The following LRRTM4 variants were observed in gnomAD, a reference collection of about 807,000 sequenced individuals.
LRRTM4 encodes leucine rich repeat transmembrane neuronal 4.
A neutral mutation model predicts 47.6 loss-of-function variants in LRRTM4; 25 were observed. The observed-to-expected ratio is 0.53, with a 90% CI of 0.38 to 0.73. LRRTM4 has a LOEUF of 0.73. Ranked by LOEUF, LRRTM4 falls within the 30% of genes least tolerant of loss-of-function variation. The probability of loss-of-function intolerance (pLI) is 0.00; values close to 1 mark genes in which losing one functional copy is unlikely to be tolerated. For synonymous variants in LRRTM4, 311 were observed against 269.5 expected (o/e 1.15, Z -1.51); for missense variants, 638 against 713.4 (o/e 0.89, Z 1.20).
chr2:77,098,935 C>T (rs939319250), intron 3 of LRRTM4, among the ~76,000 whole-genome samples: 10 of 151,912 alleles, frequency 6.6e-5, no homozygotes, highest in African/African-American at 2.4e-4. Flanking sequence ...GACTCCATTT[C>T]ACATCTATTA....
chr2:76,823,752 A>T (rs1164216703), intron 3 of LRRTM4, among the ~76,000 whole-genome samples: 191 of 151,506 alleles, frequency 1.3e-3, no homozygotes, highest in Non-Finnish European at 2.6e-3. Context: ...TATACACATT[A>T]AGTCTTCTAG....
At chr2:76,780,656 T>A (rs1674323652) in intron 3 of LRRTM4, among the ~76,000 whole-genome samples, 1 of 152,178 alleles carries the variant, frequency 6.6e-6, no homozygotes, top group South Asian at 2.1e-4. Context: ...AGTAATACAT[T>A]CTTCTAAATT....
At chr2:76,772,835 G>A (rs1673770657) in intron 3 of LRRTM4, 2 of 152,014 alleles carry the variant, frequency 1.3e-5, no homozygotes, top group South Asian at 2.1e-4. Flanking sequence ...ATCTCTTATT[G>A]TGACTAATTT....
In LRRTM4 at chr2:76,787,382, G is replaced by A. The variant is rs544452454; in HGVS notation, c.1552-38466C>T. Among the ~76,000 whole-genome samples the A allele has an allele frequency of 1.2e-4, 19 of 152,122 alleles. No individual in the cohort carries two copies. In the East Asian group the frequency reaches 3.7e-3, roughly 29 times the overall value. On this transcript the variant is annotated intron_variant, in intron 3 of 3. Coordinates refer to ENST00000409884, the MANE Select transcript of LRRTM4 (RefSeq NM_001134745.3). ...TTCTTTTTATTGATATATAGAGCCT[G>A]CTCTGCATAATCTCATACATTGTGT...
At chr2:77,464,157 C>T (rs1351286022) in intron 3 of LRRTM4, among the ~76,000 whole-genome samples, 2 of 152,090 alleles carry the variant, frequency 1.3e-5, no homozygotes, top group African/African-American at 2.4e-5. Flanking sequence ...TATGCAGAAC[C>T]TAGGAAGGGA....
intron 3 of LRRTM4, among the ~76,000 whole-genome samples, chr2:77,199,539 A>C (rs909658357): frequency 1.3e-5 from 2 of 152,112 alleles, no homozygotes; most frequent in Non-Finnish European, 2.9e-5. Flanking sequence ...CAAGAGGAAA[A>C]AAAATGTATT....
chr2:77,217,441 A>ATATATATATATATATATT (rs1558638092), intron 3 of LRRTM4, among the ~76,000 whole-genome samples: 6 of 13,586 alleles, frequency 4.4e-4, no homozygotes, highest in African/African-American at 2.2e-3. Flanking sequence ...TCCAAATGAA[A>ATATATATATATATATATT]TATATATATA....
chr2:76,999,959 A>C (rs1677353977), intron 3 of LRRTM4, among the ~76,000 whole-genome samples: 1 of 152,146 alleles, frequency 6.6e-6, no homozygotes, highest in South Asian at 2.1e-4. Flanking sequence ...TATACTATGG[A>C]AAGAATGAAA....
chr2:77,361,247 A>T (rs1203216829), intron 3 of LRRTM4, among the ~76,000 whole-genome samples: 6 of 151,960 alleles, frequency 3.9e-5, no homozygotes, highest in South Asian at 4.2e-4. Flanking sequence ...AAAAAAAAAA[A>T]ATTGGGTAGT....
At chr2:77,000,567 C>A (rs1308803159) in intron 3 of LRRTM4, among the ~76,000 whole-genome samples, 1 of 152,086 alleles carries the variant, frequency 6.6e-6, no homozygotes, top group Non-Finnish European at 1.5e-5. Context: ...CACAGTATTG[C>A]CCATTGGTAG....
rs768900885 is a variant in LRRTM4, at chr2:77,519,086, T to C, written c.783A>G (p.Ser261=). 5 of 1,612,786 alleles carry C rather than the reference T, an allele frequency of 3.1e-6. No homozygotes were observed. The African/African-American group carries it at 6.7e-5, about 22-fold the overall frequency. Residue 261 remains serine, a synonymous_variant, in exon 3 of 4, where the codon TCA becomes TCG. Transcript: ENST00000409884. This position sits in a 1 kb window ranked among gnomAD's most constrained non-coding sequence, Gnocchi z 4.6. ...TWSSLHNLDL[S]GNDIQGIEPG... ...GCTCAATTCCTTGGATGTCATTCCC[T>C]GATAAATCCAAGTTGTGTAAGGAAC...
chr2:76,974,826 C>A (rs917722862), intron 3 of LRRTM4, among the ~76,000 whole-genome samples: 3 of 151,676 alleles, frequency 2.0e-5, no homozygotes, highest in African/African-American at 7.2e-5. Context: ...TTTGTCTTTT[C>A]AAACCATTTT....
At chr2:77,259,974 G>A (rs780517890) in intron 3 of LRRTM4, among the ~76,000 whole-genome samples, 6 of 152,020 alleles carry the variant, frequency 3.9e-5, no homozygotes, top group African/African-American at 1.4e-4. Context: ...AGAAAGGAAA[G>A]GAGAGTGCAT....
rs553142102 is a variant in LRRTM4, at chr2:77,302,723, T to C, written c.1551+215595A>G. ...TATCAAACTACCTTTATGTGTCTTC[T>C]ACAGTGCTTTTGAGTGAAACATCCA... is the stretch of plus-strand genomic sequence containing the variant. On this transcript the variant is annotated intron_variant, in intron 3 of 3. Transcript: ENST00000409884. 6.2e-3 allele frequency among the ~76,000 whole-genome samples: 947 copies of C among 152,286 alleles called. 3 individuals are homozygous for C. Among genetic ancestry groups the C allele is most frequent in the Admixed American group, 0.017 (253 of 15,300 alleles).
intron 3 of LRRTM4, among the ~76,000 whole-genome samples, chr2:77,124,473 AG>A (rs1375710465): frequency 6.6e-6 from 1 of 152,136 alleles, no homozygotes; most frequent in East Asian, 1.9e-4. Context: ...GAGCAGCACG[AG>A]TTCAGAAGTT....
At chr2:76,755,466 C>T (rs574893884) in intron 3 of LRRTM4, among the ~76,000 whole-genome samples, 411 of 152,192 alleles carry the variant, frequency 2.7e-3, no homozygotes, top group Non-Finnish European at 4.1e-3. Flanking sequence ...TTAGTTTTTT[C>T]GTGTTTCTTT....
chr2:77,012,189 C>A (rs1302564396), intron 3 of LRRTM4, among the ~76,000 whole-genome samples: 1 of 151,952 alleles, frequency 6.6e-6, no homozygotes, highest in East Asian at 1.9e-4. Context: ...GCACCATAGG[C>A]AAGCAGGGAA....
At chr2:77,182,815 CA>C (rs774367253) in intron 3 of LRRTM4, among the ~76,000 whole-genome samples, 145 of 152,104 alleles carry the variant, frequency 9.5e-4, no homozygotes, top group Non-Finnish European at 5.9e-4. Flanking sequence ...ACAAACCAGA[CA>C]AAAACAAGAA....
intron 3 of LRRTM4, among the ~76,000 whole-genome samples, chr2:77,323,805 C>T (rs984097643): frequency 6.6e-6 from 1 of 152,066 alleles, no homozygotes; most frequent in Non-Finnish European, 1.5e-5. Flanking sequence ...TGATGTCACA[C>T]TATCTAGCTG....
Sources: gnomAD v4.1 joint callset for allele counts (sites outside exome capture counted in the v4.1 genomes callset) on GRCh38, gnomAD v4.1.1 for gene constraint, Gnocchi (gnomAD v3.1) non-coding constraint, MANE v1.5 for transcripts, NCBI Gene and HGNC (gene_info 2026-07-23, HGNC 2026-07-21) for gene names.